Variants in WDR41 observed in about 807,000 individuals in gnomAD.
The protein encoded by WDR41 is WD repeat-containing protein 41.
WDR41 carries 63 observed loss-of-function variants against 69.3 expected under a neutral mutation model. The ratio of observed to expected loss-of-function variants is 0.91; its 90% CI spans 0.74 to 1.12. WDR41 has a LOEUF of 1.12. WDR41 is among the 50% of genes most tolerant of loss of function. The pLI, the probability that WDR41 is intolerant of heterozygous loss-of-function variation, is 0.00. For synonymous variants in WDR41, 185 were observed against 192.1 expected, an observed-to-expected ratio of 0.96 and a Z score of 0.31; for missense variants, 543 against 534.5, an observed-to-expected ratio of 1.02 and a Z score of -0.16.
intron 1 of WDR41, among the ~76,000 whole-genome samples, chr5:77,594,864 T>C (rs1042675465): frequency 6.6e-6 from 1 of 152,224 alleles, no homozygotes; most frequent in Non-Finnish European, 1.5e-5. Context: ...GACAAGAAGA[T>C]ACACTTTATA....
chr5:77,532,371 A>G (rs979962489), intron 1 of WDR41, among the ~76,000 whole-genome samples: 1 of 152,042 alleles, frequency 6.6e-6, no homozygotes, highest in Non-Finnish European at 1.5e-5. Context: ...TAATACAACC[A>G]CTTTGGAAAC....
At chr5:77,542,238 T>G (rs868447306) in intron 1 of WDR41, among the ~76,000 whole-genome samples, 1 of 151,856 alleles carries the variant, frequency 6.6e-6, no homozygotes, top group Non-Finnish European at 1.5e-5. Context: ...CATGGACACA[T>G]GGGGGAGAAG....
chr5:77,553,160 C>CTA (rs1246511372), intron 1 of WDR41, among the ~76,000 whole-genome samples: 1 of 152,164 alleles, frequency 6.6e-6, no homozygotes, highest in Non-Finnish European at 1.5e-5. Flanking sequence ...TTTTTTGCTG[C>CTA]TATAACAAAA....
chr5:77,548,646 G>A (rs1580004096), intron 1 of WDR41, among the ~76,000 whole-genome samples: 1 of 152,230 alleles, frequency 6.6e-6, no homozygotes, highest in East Asian at 1.9e-4. Context: ...TGGCATGGAT[G>A]CTGTGAACAG....
At chr5:77,474,542 G>A (rs1800802229) in intron 2 of WDR41, among the ~76,000 whole-genome samples, 1 of 152,142 alleles carries the variant, frequency 6.6e-6, no homozygotes, top group South Asian at 2.1e-4. Flanking sequence ...GGAGTTGAAG[G>A]AAACGTCAAA....
chr5:77,443,554 A>C (rs1799257295), intron 8 of WDR41, among the ~76,000 whole-genome samples: 1 of 152,220 alleles, frequency 6.6e-6, no homozygotes, highest in African/African-American at 2.4e-5. Context: ...TCTGTGGAGC[A>C]AAACGGGCTT....
chr5:77,613,075 T>A (rs1744596315), intron 1 of WDR41, among the ~76,000 whole-genome samples: 1 of 150,398 alleles, frequency 6.6e-6, no homozygotes, highest in Non-Finnish European at 1.5e-5. Flanking sequence ...TACCTAGGAA[T>A]CCAACTTACA....
intron 1 of WDR41, among the ~76,000 whole-genome samples, chr5:77,554,879 G>T (rs1443442200): frequency 3.3e-5 from 5 of 151,972 alleles, no homozygotes; most frequent in Non-Finnish European, 7.4e-5. Flanking sequence ...AGCACTTTGG[G>T]AGGCTGAGGT....
At position 77,451,300 on chromosome 5, in the gene WDR41, T is replaced by C; in HGVS notation, c.577A>G (p.Lys193Glu). Residue 193 changes from lysine to glutamate, a missense_variant, in exon 7 of 13, where the codon AAA (lysine) becomes GAA (glutamate). By Grantham distance (56) the Lys-to-Glu change is moderately conservative. Coordinates refer to ENST00000296679, the MANE Select transcript of WDR41 (RefSeq NM_018268.4). The stretch of plus-strand genomic sequence containing the variant: ...AAAAATTCATACTCACTCAGTTCTT[T>C]GCCAACTGCTGCCACAACACAGTTC... ...PKNCVVAAVG[K>E]ELIIFRLVAP... 1 of 1,613,742 alleles carries C rather than the reference T, an allele frequency of 6.2e-7. No homozygotes were observed. Among genetic ancestry groups the C allele is most frequent in the Non-Finnish European group, 8.5e-7 (1 of 1,179,738 alleles).
intron 1 of WDR41, among the ~76,000 whole-genome samples, chr5:77,594,926 G>T (rs1011912685): frequency 1.3e-5 from 2 of 152,112 alleles, no homozygotes; most frequent in Non-Finnish European, 2.9e-5. Context: ...TAGATTCATG[G>T]GCTTGGATAA....
chr5:77,611,238 A>G (rs898685979), intron 1 of WDR41, among the ~76,000 whole-genome samples: 11 of 152,142 alleles, frequency 7.2e-5, no homozygotes, highest in African/African-American at 2.7e-4. Context: ...TCAACATTAG[A>G]CAGATCAACA....
At chr5:77,543,591 A>G (rs191229671) in intron 1 of WDR41, among the ~76,000 whole-genome samples, 1 of 152,190 alleles carries the variant, frequency 6.6e-6, no homozygotes, top group African/African-American at 2.4e-5. Flanking sequence ...AATTAACCCA[A>G]TCCAAGAAAG....
At chr5:77,506,076 A>T (rs989317341) in intron 1 of WDR41, among the ~76,000 whole-genome samples, 4 of 152,232 alleles carry the variant, frequency 2.6e-5, no homozygotes, top group Non-Finnish European at 4.4e-5. Context: ...ACGGCAAAAG[A>T]AACTACCATC....
At chr5:77,559,358 G>C (rs971957492) in intron 1 of WDR41, among the ~76,000 whole-genome samples, 8 of 152,206 alleles carry the variant, frequency 5.3e-5, no homozygotes, top group African/African-American at 1.7e-4. Context: ...TTTTTGAGCA[G>C]TTATTACATT....
At chr5:77,551,189 AC>A (rs1265637382) in intron 1 of WDR41, among the ~76,000 whole-genome samples, 1 of 152,156 alleles carries the variant, frequency 6.6e-6, no homozygotes, top group African/African-American at 2.4e-5. Context: ...CCTGCACAGT[AC>A]CCTGTGAATT....
intron 1 of WDR41, among the ~76,000 whole-genome samples, chr5:77,537,381 G>A (rs370065057): frequency 6.6e-6 from 1 of 152,248 alleles, no homozygotes; most frequent in African/African-American, 2.4e-5. Context: ...ACCATGTTTG[G>A]TCAGGAGGCC....
At chr5:77,459,879 T>C (rs1230672417) in intron 4 of WDR41, among the ~76,000 whole-genome samples, 1 of 152,214 alleles carries the variant, frequency 6.6e-6, no homozygotes, top group Non-Finnish European at 1.5e-5. Context: ...AGTAGTTATG[T>C]CCCACAATAA....
Position 77,433,229 on chromosome 5 carries a change from A to G in WDR41, c.1286T>C (p.Ile429Thr). ...TTCTCGCTCTCCATTTTTCCACAAA[A>G]TAATGAGATGATCAGCGGAGCACGT... The part of the protein sequence containing the change: ...LVTCSADHLI[I>T]LWKNGERESG... The change falls in exon 13 of 13, where the codon ATT (isoleucine) becomes ACT (threonine). Residue 429 changes from isoleucine (I) to threonine (T), a missense_variant. Coordinates refer to ENST00000296679, the MANE Select transcript of WDR41 (RefSeq NM_018268.4). 1 of 1,613,778 alleles carries G rather than the reference A, an allele frequency of 6.2e-7. No homozygotes were observed. Among genetic ancestry groups the G allele is most frequent in the Middle Eastern group, 1.7e-4 (1 of 6,058 alleles).
Position 77,524,320 on chromosome 5 carries a change from G to T in WDR41, c.43-34748C>A, listed in dbSNP as rs117799878. ...ATAATAAATCAGGCCAAGTGCGGTG[G>T]CACACACCTGTAATCCCAGCACTTT... is the stretch of plus-strand genomic sequence containing the variant. On this transcript the variant is annotated intron_variant, in intron 1 of 5. Coordinates refer to the WDR41 transcript ENST00000509971. 1.3e-3 allele frequency among the ~76,000 whole-genome samples: 203 copies of T among 152,286 alleles called. 3 individuals are homozygous for T. The East Asian group carries it at 0.038, about 28-fold the overall frequency.
Sources: allele counts gnomAD v4.1 joint callset (sites outside exome capture counted in the v4.1 genomes callset), GRCh38; gene constraint gnomAD v4.1.1; transcripts MANE v1.5; gene names NCBI Gene and HGNC (gene_info 2026-07-23, HGNC 2026-07-21).